IRAG1: variants seen among roughly 807,000 people sequenced by gnomAD.
The protein encoded by IRAG1 is IP3R-associated cGMP kinase substrate.
In IRAG1, 62 loss-of-function variants were observed where a neutral mutation model predicts 106.2. The ratio of observed to expected loss-of-function variants is 0.58; its 90% CI spans 0.48 to 0.72. The LOEUF is 0.72. Among genes scored for constraint, IRAG1 ranks in the 30% least tolerant of loss-of-function variants. IRAG1 has a pLI of 0.00. For missense variants in IRAG1, 1,064 were observed against 1,140.7 expected (o/e 0.93, Z 0.97); for synonymous variants, 462 against 443.9 (o/e 1.04, Z -0.51).
chr11:10,680,708 G>A (rs1861189668), intron 1 of IRAG1, among the ~76,000 whole-genome samples: 1 of 152,076 alleles, frequency 6.6e-6, no homozygotes, highest in Non-Finnish European at 1.5e-5. Context: ...GTGACCTTGG[G>A]CAAGCTGTTT....
At chr11:10,580,763 A>G (rs968471035) in intron 19 of IRAG1, among the ~76,000 whole-genome samples, 174 bp from the exon 20 acceptor site, 2 of 152,244 alleles carry the variant, frequency 1.3e-5, no homozygotes, top group Non-Finnish European at 2.9e-5. Context: ...AGCTCACGCC[A>G]GTACCATTTC....
At position 10,585,258 on chromosome 11, in the gene IRAG1, G is replaced by C. The variant is rs200076978; in HGVS notation, c.2241-3272C>G. On this transcript the variant is annotated intron_variant, in intron 18 of 20. Coordinates refer to ENST00000423302, the MANE Select transcript of IRAG1 (RefSeq NM_130385.4). Reference sequence around the variant, plus strand: ...GCAGGGCCAGGAAGCCCATTTCATCGACTCTTTTACATGCAGATCTTCTGT... The same window carrying C: ...GCAGGGCCAGGAAGCCCATTTCATCCACTCTTTTACATGCAGATCTTCTGT... Among the ~76,000 whole-genome samples, 5 of 152,072 alleles carry C rather than the reference G, an allele frequency of 3.3e-5. No homozygotes were observed. The East Asian group carries it at 7.8e-4, about 24-fold the overall frequency.
chr11:10,638,393 GT>G (rs2134725864), intron 2 of IRAG1, among the ~76,000 whole-genome samples: 1 of 152,270 alleles, frequency 6.6e-6, no homozygotes, highest in Non-Finnish European at 1.5e-5. Context: ...GTGTCATGTA[GT>G]TTTCATCCTG....
At chr11:10,689,066 A>G (rs1861869726) in intron 1 of IRAG1, among the ~76,000 whole-genome samples, 1 of 152,256 alleles carries the variant, frequency 6.6e-6, no homozygotes. Context: ...CATTGTCATT[A>G]CTTTTATTTA....
chr11:10,680,372 G>A (rs12226791), intron 1 of IRAG1, among the ~76,000 whole-genome samples: 530 of 40,898 alleles, frequency 0.013, 4 homozygotes, highest in African/African-American at 0.053. Flanking sequence ...AAAGAAAGAA[G>A]GAAGGAAGGA....
intron 9 of IRAG1, among the ~76,000 whole-genome samples, chr11:10,624,954 G>A (rs2134557265): frequency 6.6e-6 from 1 of 152,296 alleles, no homozygotes; most frequent in African/African-American, 2.4e-5. Context: ...CAACTCCTCT[G>A]GGCCCTGTGC....
chr11:10,663,163 G>A (rs1475058345), intron 1 of IRAG1, among the ~76,000 whole-genome samples: 1 of 152,080 alleles, frequency 6.6e-6, no homozygotes, highest in Non-Finnish European at 1.5e-5. Context: ...GGATTCTTTA[G>A]AAACTTTGTT....
At position 10,684,642 on chromosome 11, in the gene IRAG1, A is replaced by G. The variant is rs2135237198; in HGVS notation, c.67+8894T>C. Among the ~76,000 whole-genome samples the G allele has an allele frequency of 2.7e-5, 4 of 148,920 alleles. No individual in the cohort carries two copies. In the South Asian group the frequency reaches 8.4e-4, roughly 31 times the overall value. ...AATAATAATAATAATAATAATAATA[A>G]TAATAAAGAGAAAAGGCTGGCAAGT... is the stretch of plus-strand genomic sequence containing the variant. On this transcript the variant is annotated intron_variant, in intron 1 of 20. Transcript: ENST00000423302.
At chr11:10,680,344 G>GAAAGAAA (rs1861069824) in intron 1 of IRAG1, among the ~76,000 whole-genome samples, 2 of 67,990 alleles carry the variant, frequency 2.9e-5, no homozygotes, top group African/African-American at 1.3e-4. Context: ...AAGGAAGGAA[G>GAAAGAAA]GAAAGAAAGA....
intron 2 of IRAG1, among the ~76,000 whole-genome samples, chr11:10,651,376 C>T (rs1207821357): frequency 6.6e-6 from 1 of 152,212 alleles, no homozygotes; most frequent in Non-Finnish European, 1.5e-5. Context: ...GAGCGAGTTA[C>T]TATGTGAACA....
At chr11:10,587,804 C>T (rs1852188370) in intron 18 of IRAG1, among the ~76,000 whole-genome samples, 1 of 152,170 alleles carries the variant, frequency 6.6e-6, no homozygotes, top group Non-Finnish European at 1.5e-5. Context: ...CTCTTAAATT[C>T]ATCCTCTTCT....
At chr11:10,672,120 A>C (rs1423240537) in intron 1 of IRAG1, among the ~76,000 whole-genome samples, 1 of 152,210 alleles carries the variant, frequency 6.6e-6, no homozygotes, top group Admixed American at 6.5e-5. Context: ...TTTTCAACAA[A>C]TGGTTCTGGA....
intron 10 of IRAG1, among the ~76,000 whole-genome samples, chr11:10,610,706 G>A (rs890794262): frequency 1.3e-5 from 2 of 152,166 alleles, no homozygotes; most frequent in Admixed American, 1.3e-4. Flanking sequence ...AGCACAGGAA[G>A]ACTTTGGTAA....
Position 10,647,261 on chromosome 11 carries a change from T to C in IRAG1, c.225+4764A>G, listed in dbSNP as rs1010327121. ...GCTGCCTGGGCCCAGATCCTGGGCC[T>C]GCCACTTATGAGCTGTATGACCTTG... On this transcript the variant is annotated intron_variant, in intron 2 of 20. Transcript: ENST00000423302. The surrounding 1 kb of genome is among the most constrained non-coding windows in gnomAD (Gnocchi z 4.3). Among the ~76,000 whole-genome samples the C allele has an allele frequency of 6.6e-6, 1 of 152,214 alleles. No individual in the cohort carries two copies. The highest frequency in any genetic ancestry group is 1.5e-5 in the Non-Finnish European group (1 of 68,044).
At chr11:10,678,734 T>C (rs12420672) in intron 1 of IRAG1, among the ~76,000 whole-genome samples, 63,042 of 152,140 alleles carry the variant, frequency 0.41, 13,602 homozygotes, top group African/African-American at 0.52. Flanking sequence ...GATGCTGGCA[T>C]GGACCTCTGC....
chr11:10,676,526 G>A (rs10770132), intron 1 of IRAG1, among the ~76,000 whole-genome samples: 60,925 of 152,018 alleles, frequency 0.4, 12,563 homozygotes, highest in African/African-American at 0.47. Flanking sequence ...GAATGAGCAC[G>A]TGACTCAGAC....
At chr11:10,584,052 C>T (rs74397111) in intron 18 of IRAG1, among the ~76,000 whole-genome samples, 1,769 of 152,174 alleles carry the variant, frequency 0.012, 32 homozygotes, top group African/African-American at 0.04. Flanking sequence ...GGTATGGGAT[C>T]ACAAGTTTAA....
chr11:10,610,893 C>T (rs1238832595), intron 10 of IRAG1, among the ~76,000 whole-genome samples: 1 of 152,168 alleles, frequency 6.6e-6, no homozygotes, highest in African/African-American at 2.4e-5. Flanking sequence ...TCATATTTAT[C>T]CATGTTTTAC....
intron 2 of IRAG1, among the ~76,000 whole-genome samples, chr11:10,644,709 C>T (rs1312152965): frequency 6.6e-6 from 1 of 152,192 alleles, no homozygotes; most frequent in African/African-American, 2.4e-5. Context: ...CTACACAGTC[C>T]TTACCAGGTT....
Sources: allele counts gnomAD v4.1 joint callset (sites outside exome capture counted in the v4.1 genomes callset), GRCh38; gene constraint gnomAD v4.1.1; non-coding constraint Gnocchi (gnomAD v3.1); transcripts MANE v1.5; gene names NCBI Gene and HGNC (gene_info 2026-07-23, HGNC 2026-07-21).